Variants in DCC observed in about 807,000 individuals in gnomAD.
The protein encoded by DCC is DCC netrin 1 receptor.
Under a neutral mutation model 172.5 loss-of-function variants are expected in DCC, and 58 were observed. That is an observed-to-expected ratio of 0.34 (90% confidence interval 0.27 to 0.42). The LOEUF (loss-of-function observed/expected upper bound fraction) is 0.42. Ranked by LOEUF, DCC falls within the 10% of genes least tolerant of loss-of-function variation. The pLI is 1.00. For missense variants in DCC, 1,740 were observed against 1,791.0 expected (o/e 0.97, Z 0.51); for synonymous variants, 709 against 644.5 (o/e 1.10, Z -1.52).
At chr18:53,278,291 T>C (rs539112180) in intron 12 of DCC, among the ~76,000 whole-genome samples, 1 of 152,268 alleles carries the variant, frequency 6.6e-6, no homozygotes, top group East Asian at 1.9e-4. Context: ...AATTTTCCTT[T>C]ATATGGAAAG....
intron 5 of DCC, among the ~76,000 whole-genome samples, chr18:53,031,817 A>G (rs1407819092): frequency 6.6e-6 from 1 of 152,072 alleles, no homozygotes; most frequent in Admixed American, 6.6e-5. Flanking sequence ...TATGTTTTTA[A>G]TTATATTGAA....
At chr18:53,259,536 G>T (rs1408836313) in intron 12 of DCC, among the ~76,000 whole-genome samples, 3 of 152,042 alleles carry the variant, frequency 2.0e-5, no homozygotes, top group Non-Finnish European at 4.4e-5. Context: ...TTGAATATTG[G>T]CCCCCACTCT....
At position 52,877,506 on chromosome 18, in the gene DCC, C is replaced by T. The variant is rs1219029580; in HGVS notation, c.413-28538C>T. Among the ~76,000 whole-genome samples the T allele has an allele frequency of 3.9e-5, 6 of 151,906 alleles. 1 individual carries two copies. In the East Asian group the frequency reaches 5.8e-4, roughly 15 times the overall value. ...GGTAGATCACTTCAGCCCAGGAGTT[C>T]GGGACCATCCTGGGCAACATGGTAA... On this transcript the variant is annotated intron_variant, in intron 2 of 28. Coordinates refer to ENST00000442544, the MANE Select transcript of DCC (RefSeq NM_005215.4).
chr18:53,038,788 G>A (rs1463090796), intron 5 of DCC, among the ~76,000 whole-genome samples: 1 of 151,954 alleles, frequency 6.6e-6, no homozygotes, highest in Non-Finnish European at 1.5e-5. Flanking sequence ...TTTTAACACT[G>A]TGCCTTTTAA....
intron 1 of DCC, among the ~76,000 whole-genome samples, chr18:52,499,535 C>T (rs1262927729): frequency 6.6e-6 from 1 of 152,114 alleles, no homozygotes; most frequent in South Asian, 2.1e-4. Flanking sequence ...GATGGAGTGT[C>T]CTTTCTTCCC....
chr18:53,109,301 T>C (rs1424045778), intron 7 of DCC, among the ~76,000 whole-genome samples: 1 of 151,500 alleles, frequency 6.6e-6, no homozygotes, highest in Non-Finnish European at 1.5e-5. Flanking sequence ...TTAATAGTAT[T>C]TTAATATTTT....
chr18:52,653,602 A>G (rs1036207455), intron 1 of DCC, among the ~76,000 whole-genome samples: 4 of 152,214 alleles, frequency 2.6e-5, no homozygotes, highest in Admixed American at 1.3e-4. Context: ...AAACTTTGCC[A>G]GAGGAGAGGA....
At chr18:52,928,882 T>A (rs2145497552) in intron 5 of DCC, among the ~76,000 whole-genome samples, 1 of 152,274 alleles carries the variant, frequency 6.6e-6, no homozygotes, top group South Asian at 2.1e-4. Flanking sequence ...TGGCAGGATG[T>A]CACTCAGGTG....
rs543504569 is a variant in DCC, at chr18:53,317,042, C to T, written c.2054-5005C>T. Reference sequence around the variant, plus strand: ...CTTGTGCCGGCTTTCAAAGGGAATGCTTCCAGCTTTTGCCCATGCAGTATA... The same window carrying T: ...CTTGTGCCGGCTTTCAAAGGGAATGTTTCCAGCTTTTGCCCATGCAGTATA... On this transcript the variant is annotated intron_variant, in intron 13 of 28. Transcript: ENST00000442544. Among the ~76,000 whole-genome samples, 9 of 152,306 alleles carry T rather than the reference C, an allele frequency of 5.9e-5. No individual in the cohort carries two copies. The East Asian group carries it at 1.5e-3, about 26-fold the overall frequency.
intron 1 of DCC, among the ~76,000 whole-genome samples, chr18:52,462,933 C>A (rs145000701): frequency 1.0e-3 from 159 of 152,272 alleles, no homozygotes; most frequent in African/African-American, 3.7e-3. Flanking sequence ...TGTAACTCTG[C>A]AGAAGTCCCT....
chr18:53,266,965 G>T (rs772864478), intron 12 of DCC, among the ~76,000 whole-genome samples: 1 of 151,932 alleles, frequency 6.6e-6, no homozygotes, highest in Non-Finnish European at 1.5e-5. Flanking sequence ...TTACTATTAT[G>T]AAGAATGCTG....
intron 1 of DCC, among the ~76,000 whole-genome samples, chr18:52,581,225 A>G (rs1304650171): frequency 6.6e-6 from 1 of 151,840 alleles, no homozygotes; most frequent in African/African-American, 2.4e-5. Context: ...GTAGTTTCTC[A>G]TATGTTTTAA....
intron 1 of DCC, among the ~76,000 whole-genome samples, chr18:52,701,841 C>T (rs1317394833): frequency 1.3e-5 from 2 of 152,160 alleles, no homozygotes; most frequent in Non-Finnish European, 2.9e-5. Flanking sequence ...AATGTTAATC[C>T]ACCATGTTGG....
chr18:52,512,735 T>A (rs937371703), intron 1 of DCC, among the ~76,000 whole-genome samples: 1 of 151,978 alleles, frequency 6.6e-6, no homozygotes, highest in Non-Finnish European at 1.5e-5. Flanking sequence ...CAGTAGAACA[T>A]CAAGGTATGA....
At chr18:53,103,260 A>C (rs1012784150) in intron 7 of DCC, among the ~76,000 whole-genome samples, 1 of 152,114 alleles carries the variant, frequency 6.6e-6, no homozygotes, top group Non-Finnish European at 1.5e-5. Flanking sequence ...ACCAGGGTAC[A>C]TACTCTGTGC....
intron 2 of DCC, among the ~76,000 whole-genome samples, chr18:52,779,365 T>C (rs2037491112): frequency 6.6e-6 from 1 of 152,170 alleles, no homozygotes; most frequent in South Asian, 2.1e-4. Flanking sequence ...CCATGTGTAC[T>C]AATTGTTCAA....
At chr18:52,713,478 C>G (rs913806224) in intron 1 of DCC, among the ~76,000 whole-genome samples, 1 of 152,198 alleles carries the variant, frequency 6.6e-6, no homozygotes, top group African/African-American at 2.4e-5. Context: ...CCTGGTGCCA[C>G]TTGGGGTCTG....
chr18:52,868,569 G>A (rs1368020690), intron 2 of DCC, among the ~76,000 whole-genome samples: 1 of 152,172 alleles, frequency 6.6e-6, no homozygotes, highest in African/African-American at 2.4e-5. Context: ...TCCTAGGCAT[G>A]GACCAAGCTA....
intron 12 of DCC, among the ~76,000 whole-genome samples, chr18:53,216,342 C>T (rs1032482308): frequency 8.5e-5 from 13 of 152,150 alleles, no homozygotes; most frequent in African/African-American, 3.1e-4. Context: ...CAGTTAGGTA[C>T]TTCTCATGTG....
Sources: gnomAD v4.1 joint callset for allele counts (sites outside exome capture counted in the v4.1 genomes callset) on GRCh38, gnomAD v4.1.1 for gene constraint, MANE v1.5 for transcripts, NCBI Gene and HGNC (gene_info 2026-07-23, HGNC 2026-07-21) for gene names.